ITGA4: variants seen among roughly 807,000 people sequenced by gnomAD.
The protein encoded by ITGA4 is integrin subunit alpha 4.
ITGA4 carries 63 observed loss-of-function variants against 133.6 expected under a neutral mutation model. The observed-to-expected ratio is 0.47, with a 90% CI of 0.38 to 0.58. ITGA4 has a LOEUF of 0.58. Among genes scored for constraint, ITGA4 ranks in the 20% least tolerant of loss-of-function variants. The pLI, the probability that ITGA4 is intolerant of heterozygous loss-of-function variation, is 0.00. For synonymous variants in ITGA4, 483 were observed against 438.0 expected (o/e 1.10, Z -1.28); for missense variants, 1,076 against 1,252.7 (o/e 0.86, Z 2.13).
At chr2:181,467,600 A>G (rs542356344) in intron 2 of ITGA4, among the ~76,000 whole-genome samples, 120 of 152,298 alleles carry the variant, frequency 7.9e-4, no homozygotes, top group Non-Finnish European at 1.4e-3. Flanking sequence ...AGGGCAAGAT[A>G]GGGAACAAGT....
At chr2:181,534,492 G>T in intron 26 of ITGA4, 122 bp downstream of exon 26, 1 of 683,572 alleles carries the variant, frequency 1.5e-6, no homozygotes, top group South Asian at 1.9e-5. Flanking sequence ...CTCATGGAGG[G>T]CCCCCAATAC....
rs7562325 is a variant in ITGA4 at position 181,534,370 on chromosome 2, T to A, written c.2883T>A (p.His961Gln). ...IELNKDENVA[H>Q]VLLEGLHHQR... is the part of the protein sequence containing the mutation. ...TAAACAAGGATGAGAATGTTGCGCA[T>A]GTAAGATTACCCTCTTAACTGCTAC... The change falls in exon 26 of 28, where the codon CAT (histidine) becomes CAA (glutamine). Residue 961 changes from histidine (H) to glutamine (Q), a missense_variant and splice_region_variant. Physicochemically the swap from His to Gln is conservative, Grantham distance 24 (BLOSUM62 0). Coordinates refer to ENST00000397033, the MANE Select transcript of ITGA4 (RefSeq NM_000885.6). 1.3e-6 allele frequency: 2 copies of A among 1,528,370 alleles called. No individual in the cohort carries two copies. The highest frequency in any genetic ancestry group is 9.1e-7 in the Non-Finnish European group (1 of 1,103,262). 94.7% of individuals were successfully genotyped at this position (1,528,370 alleles called of 1,614,324 possible). A position where few individuals can be genotyped will look rare whatever the true frequency, so the allele number is the denominator to read the frequency against.
rs1178139945 is a variant in ITGA4 at position 181,538,625 on chromosome 2, TC to T, written c.*3101del. On this transcript the variant is annotated 3_prime_UTR_variant, in exon 28 of 28. Transcript: ENST00000397033. ...TATACCAGTTGCTATGTAAAATTGTTCCCAAGGGAAGTTGAATGCTCTGTAA... is the reference window on the plus strand; with the variant it reads ...TATACCAGTTGCTATGTAAAATTGTTCCAAGGGAAGTTGAATGCTCTGTAA... Among the ~76,000 whole-genome samples the T allele has an allele frequency of 1.6e-4, 24 of 152,112 alleles. No homozygotes were observed. Among genetic ancestry groups the T allele is most frequent in the Admixed American group, 1.1e-3 (17 of 15,250 alleles).
rs527929949 is a variant in ITGA4, at chr2:181,459,810, T to C, written c.319+1493T>C. Among the ~76,000 whole-genome samples, 7 of 152,336 alleles carry C rather than the reference T, an allele frequency of 4.6e-5. No individual in the cohort carries two copies. The South Asian group carries it at 1.5e-3, about 32-fold the overall frequency. ...GGAGGGAGCAATTTTATTTCTGTTG[T>C]CCTGTCATAGTTTCCTGATCCATGA... On this transcript the variant is annotated intron_variant, in intron 2 of 27. Transcript: ENST00000397033.
At position 181,534,935 on chromosome 2, in the gene ITGA4, G is replaced by A; in HGVS notation, c.3003G>A (p.Lys1001=). 6 of 1,558,896 alleles carry A rather than the reference G, an allele frequency of 3.8e-6. No individual in the cohort carries two copies. The highest frequency in any genetic ancestry group is 4.6e-5 in the East Asian group (2 of 43,266). The stretch of plus-strand genomic sequence containing the variant: ...TATTGATCTCATATGTTATGTGGAA[G>A]GTAAGCATTTAACAATTACCAACAT... ...VLLLISYVMW[K]AGFFKRQYKS... The change falls in exon 27 of 28, where the codon AAG becomes AAA. Residue 1001 remains lysine (K), a splice_region_variant and synonymous_variant. Coordinates refer to ENST00000397033, the MANE Select transcript of ITGA4 (RefSeq NM_000885.6).
intron 24 of ITGA4, among the ~76,000 whole-genome samples, chr2:181,531,212 A>G (rs1686938669): frequency 6.6e-6 from 1 of 152,182 alleles, no homozygotes. Flanking sequence ...TCAGGACACC[A>G]AGAGGTTGTC....
chr2:181,495,985 A>C lies in ITGA4; in HGVS notation c.1540+48A>C, dbSNP rs754905244. 1.4e-5 allele frequency: 22 copies of C among 1,581,456 alleles called. No individual in the cohort carries two copies. The highest frequency in any genetic ancestry group is 1.9e-5 in the Non-Finnish European group (22 of 1,156,446). On this transcript the variant is annotated intron_variant, in intron 14 of 27. Transcript: ENST00000397033. The surrounding 1 kb of genome is among the most constrained non-coding windows in gnomAD (Gnocchi z 4.3). ...ATGCTTGATGGGGTGCGGTTCATTC[A>C]TTAATCCCACAATCCTGCTTGGAGC...
intron 9 of ITGA4, among the ~76,000 whole-genome samples, chr2:181,485,535 G>T (rs939110464): frequency 3.3e-5 from 5 of 152,196 alleles, no homozygotes; most frequent in Admixed American, 1.3e-4. Context: ...ACACTGCCTT[G>T]CCCCTTTTCA....
At chr2:181,468,946 T>C (rs1162839501) in intron 2 of ITGA4, among the ~76,000 whole-genome samples, 3 of 152,212 alleles carry the variant, frequency 2.0e-5, no homozygotes, top group African/African-American at 2.4e-5. Context: ...TGACCTCTTT[T>C]ATGTTAAACC....
At chr2:181,463,654 G>A (rs978121277) in intron 2 of ITGA4, among the ~76,000 whole-genome samples, 19 of 151,570 alleles carry the variant, frequency 1.3e-4, no homozygotes, top group African/African-American at 4.6e-4. Context: ...CAGGTTTTCT[G>A]GCAAAATGAT....
Position 181,485,979 on chromosome 2 carries a change from T to C in ITGA4, c.1140T>C (p.Asn380=). The C allele has an allele frequency of 6.3e-7, 1 of 1,595,374 alleles. No homozygotes were observed. Among genetic ancestry groups the C allele is most frequent in the Non-Finnish European group, 8.5e-7 (1 of 1,175,022 alleles). The change falls in exon 10 of 28, where the codon AAT becomes AAC. Residue 380 remains asparagine (N), a synonymous_variant. Transcript: ENST00000397033. ...TAGTTAATCTTGGCGACATTGACAA[T>C]GATGGCTTTGAAGGTAATTAAAATT... ...ESIVNLGDID[N]DGFEDVAIGA...
At chr2:181,527,964 CA>C (rs1052436191) in intron 22 of ITGA4, among the ~76,000 whole-genome samples, 29 of 152,230 alleles carry the variant, frequency 1.9e-4, no homozygotes, top group African/African-American at 7.0e-4. Context: ...TTTTTAAAAA[CA>C]TTTTTTGCTG....
At position 181,498,786 on chromosome 2, in the gene ITGA4, A is replaced by C. The variant is rs754332598; in HGVS notation, c.1695+9A>C. The C allele has an allele frequency of 2.5e-6, 4 of 1,583,442 alleles. No individual in the cohort carries two copies. The highest frequency in any genetic ancestry group is 1.7e-6 in the Non-Finnish European group (2 of 1,167,276). ...ATCAAGCATTTATGCGGGTAATGTA[A>C]GCTATTTTTTATTAATGAATATGTG... On this transcript the variant is annotated intron_variant, in intron 15 of 27. Coordinates refer to ENST00000397033, the MANE Select transcript of ITGA4 (RefSeq NM_000885.6).
chr2:181,522,250 T>C lies in ITGA4; in HGVS notation c.1982T>C (p.Val661Ala). 1 of 1,607,198 alleles carries C rather than the reference T, an allele frequency of 6.2e-7. No homozygotes were observed. Among genetic ancestry groups the C allele is most frequent in the East Asian group, 2.2e-5 (1 of 44,806 alleles). The stretch of plus-strand genomic sequence containing the variant: ...AGTATGAAGACATTGATGTTGAATG[T>C]GTCCTTGTTTAATGCTGGAGATGAT... ...VGSMKTLMLNVSLFNAGDDAY... is the reference protein window; with the variant it reads ...VGSMKTLMLNASLFNAGDDAY... Residue 661 changes from valine (V) to alanine (A), a missense_variant, in exon 18 of 28, where the codon GTG (valine) becomes GCG (alanine). By Grantham distance (64) the Val-to-Ala change is moderately conservative (BLOSUM62 0). Around this residue, in one of 4 missense-constraint regions of ITGA4, gnomAD observed 365 missense variants for 421.4 expected, o/e 0.87. Transcript: ENST00000397033.
intron 4 of ITGA4, among the ~76,000 whole-genome samples, chr2:181,477,205 C>T (rs936938158): frequency 3.5e-4 from 53 of 151,892 alleles, no homozygotes; most frequent in Non-Finnish European, 1.5e-4. Flanking sequence ...GCAAATATAC[C>T]AAAGTCAACT....
chr2:181,512,222 G>C (rs952789270), intron 17 of ITGA4, among the ~76,000 whole-genome samples: 38 of 152,164 alleles, frequency 2.5e-4, no homozygotes, highest in African/African-American at 8.7e-4. Flanking sequence ...ACCAGAGAGA[G>C]AGAATGAACA....
intron 14 of ITGA4, chr2:181,498,156 A>G (rs1259071448): frequency 6.6e-6 from 1 of 152,158 alleles, no homozygotes; most frequent in Non-Finnish European, 1.5e-5. Context: ...AAGCCTTCAA[A>G]TCAGAAACAA....
At chr2:181,466,273 T>C (rs1320575929) in intron 2 of ITGA4, among the ~76,000 whole-genome samples, 1 of 152,018 alleles carries the variant, frequency 6.6e-6, no homozygotes, top group Non-Finnish European at 1.5e-5. Flanking sequence ...TCTTGAACTC[T>C]TTCTAAATAG....
intron 15 of ITGA4, among the ~76,000 whole-genome samples, chr2:181,508,241 C>G (rs1686433787): frequency 1.3e-5 from 2 of 151,192 alleles, no homozygotes; most frequent in Non-Finnish European, 1.5e-5. Flanking sequence ...GACCACATAT[C>G]AACAAGAATA....
Sources: allele counts gnomAD v4.1 joint callset (sites outside exome capture counted in the v4.1 genomes callset), GRCh38; gene constraint gnomAD v4.1.1; regional missense constraint gnomAD v4.1.1; non-coding constraint Gnocchi (gnomAD v3.1); transcripts MANE v1.5; gene names NCBI Gene and HGNC (gene_info 2026-07-23, HGNC 2026-07-21).